Variants in PCGF3 observed in about 807,000 individuals in gnomAD.
PCGF3 encodes polycomb group ring finger 3, also known as polycomb group RING finger protein 3.
PCGF3 carries 7 observed loss-of-function variants against 33.1 expected under a neutral mutation model. The ratio of observed to expected loss-of-function variants is 0.21; its 90% CI spans 0.12 to 0.40. The LOEUF is 0.40. PCGF3 is among the 10% of genes least tolerant of loss of function. PCGF3 has a pLI of 1.00. For synonymous variants in PCGF3, 153 were observed against 121.3 expected (o/e 1.26, Z -1.72); for missense variants, 211 against 313.3 (o/e 0.67, Z 2.46).
Position 765,076 on chromosome 4 carries a change from G to A in PCGF3, c.681+12G>A, listed in dbSNP as rs767513468. On this transcript the variant is annotated intron_variant, in intron 10 of 10. Transcript: ENST00000362003. ...GGTGGAGATTCAAGGTGAGACACGT[G>A]ATTTGATTTTCAGAGTCTGCTCTGA... 4 of 1,591,966 alleles carry A rather than the reference G, an allele frequency of 2.5e-6. No individual in the cohort carries two copies. In the South Asian group the frequency reaches 4.4e-5, roughly 18 times the overall value.
intron 6 of PCGF3, 139 bp from the exon 7 acceptor site, chr4:743,335 T>G (rs1414835745): frequency 4.9e-6 from 3 of 616,600 alleles, no homozygotes; most frequent in Non-Finnish European, 8.8e-6. Context: ...CATCTCAGTC[T>G]TAATTTGCTG....
In PCGF3 at chr4:744,595, A is replaced by G; in HGVS notation, c.374-5A>G. ...TGGTGCGCTATGTTCTGTTTGTGCT[A>G]AAAGGTGAAACCAAAGCAGACGACA... is the stretch of plus-strand genomic sequence containing the variant. On this transcript the variant is annotated splice_polypyrimidine_tract_variant and splice_region_variant and intron_variant, in intron 7 of 10. Coordinates refer to ENST00000362003, the Ensembl canonical transcript of PCGF3. The G allele has an allele frequency of 6.4e-7, 1 of 1,551,366 alleles. No homozygotes were observed.
chr4:762,070 T>G, intron 9 of PCGF3: 1 of 985,270 alleles, frequency 1.0e-6, no homozygotes, highest in African/African-American at 1.7e-5. Context: ...GGTGGAGAAG[T>G]GGACAGACTT....
intron 1 of PCGF3, among the ~76,000 whole-genome samples, chr4:727,233 CTTTTTTTTTTTTTT>C (rs57690550): frequency 1.6e-5 from 1 of 61,892 alleles, no homozygotes; most frequent in Non-Finnish European, 2.9e-5. Context: ...TAGCGAGCGT[CTTTTTTTTTTTTTT>C]TTTTTTTTTT....
intron 8 of PCGF3, among the ~76,000 whole-genome samples, chr4:754,357 A>G (rs1250563329): frequency 6.6e-6 from 1 of 152,026 alleles, no homozygotes; most frequent in East Asian, 1.9e-4. Flanking sequence ...GGGACTTCAC[A>G]CCCGAGAGCC....
Position 765,257 on chromosome 4 carries a change from C to T in PCGF3, c.681+193C>T, listed in dbSNP as rs577753641. On this transcript the variant is annotated intron_variant, in intron 10 of 10. Coordinates refer to ENST00000362003, the Ensembl canonical transcript of PCGF3. ...GACAATCCTGGCTAACATGGTGAAACCCAATCTCTACTAAAAATACAAAAA... is the reference window on the plus strand; with the variant it reads ...GACAATCCTGGCTAACATGGTGAAATCCAATCTCTACTAAAAATACAAAAA... 2.6e-4 allele frequency among the ~76,000 whole-genome samples: 39 copies of T among 152,228 alleles called. No individual in the cohort carries two copies. In the East Asian group the frequency reaches 2.9e-3, roughly 11 times the overall value.
chr4:735,067 G>C, intron 5 of PCGF3, 40 bp downstream of exon 5: 1 of 1,591,444 alleles, frequency 6.3e-7, no homozygotes, highest in African/African-American at 1.3e-5. Context: ...CGTGGGGTGA[G>C]TGCCCCTGGG....
chr4:761,042 AAC>A (rs1053805597), intron 8 of PCGF3, among the ~76,000 whole-genome samples: 3 of 152,256 alleles, frequency 2.0e-5, no homozygotes, highest in Non-Finnish European at 2.9e-5. Context: ...TTATGTTAAT[AAC>A]ACAGAATTAA....
intron 1 of PCGF3, among the ~76,000 whole-genome samples, chr4:709,079 T>C (rs1742454027): frequency 1.3e-5 from 2 of 152,320 alleles, no homozygotes; most frequent in South Asian, 4.1e-4. Context: ...GTCCTTTGAC[T>C]AGGGAAGGGT....
At chr4:750,353 G>A (rs772439317) in intron 8 of PCGF3, among the ~76,000 whole-genome samples, 10 of 152,138 alleles carry the variant, frequency 6.6e-5, no homozygotes, top group African/African-American at 9.7e-5. Context: ...TCTCTGCCTT[G>A]GGGGATTGAG....
At chr4:736,824 G>A (rs56095756) in intron 5 of PCGF3, among the ~76,000 whole-genome samples, 9 of 106,038 alleles carry the variant, frequency 8.5e-5, no homozygotes, top group Admixed American at 3.0e-4. Context: ...GGACAGTGTC[G>A]CGGGGAACCT....
intron 1 of PCGF3, among the ~76,000 whole-genome samples, chr4:707,221 G>T (rs1028830300): frequency 1.3e-5 from 2 of 151,998 alleles, no homozygotes; most frequent in East Asian, 3.9e-4. Flanking sequence ...CAGGGCCCGG[G>T]GGGGCTAGGA....
exon 11 of PCGF3, chr4:766,477 T>TG (rs80202333): frequency 0.053 from 8,565 of 161,786 alleles, 322 homozygotes; most frequent in East Asian, 0.12. Context: ...CAAGTGTAGT[T>TG]GGACTTTTAT....
intron 8 of PCGF3, among the ~76,000 whole-genome samples, chr4:747,844 G>A (rs1744330499): frequency 6.6e-6 from 1 of 152,034 alleles, no homozygotes; most frequent in South Asian, 2.1e-4. Context: ...CAGCACCCAA[G>A]GGCTGCTGTT....
At chr4:734,060 G>A (rs776279692) in intron 4 of PCGF3, 2 of 1,550,666 alleles carry the variant, frequency 1.3e-6, no homozygotes, top group South Asian at 1.2e-5. Flanking sequence ...AGCAAGGCCA[G>A]TAGCCGCTGT....
Position 725,835 on chromosome 4 carries a change from A to G in PCGF3, c.-189-4795A>G, listed in dbSNP as rs549564381. Among the ~76,000 whole-genome samples, 59 of 152,222 alleles carry G rather than the reference A, an allele frequency of 3.9e-4. No homozygotes were observed. In the East Asian group the frequency reaches 0.011, roughly 29 times the overall value. ...CTCAGCGCTCGTCCCCGGGTCCCCC[A>G]GCAGGTGACCACAGATGATGACGGA... On this transcript the variant is annotated intron_variant, in intron 1 of 10. Transcript: ENST00000362003.
chr4:728,567 G>A (rs1331349962), intron 1 of PCGF3, among the ~76,000 whole-genome samples: 2 of 152,188 alleles, frequency 1.3e-5, no homozygotes, highest in Non-Finnish European at 2.9e-5. Flanking sequence ...TGGTATCAGC[G>A]GCGTCCTGGA....
intron 9 of PCGF3, among the ~76,000 whole-genome samples, chr4:763,812 C>T (rs898321605): frequency 1.3e-5 from 2 of 152,220 alleles, no homozygotes; most frequent in African/African-American, 2.4e-5. Flanking sequence ...CCAAGATGCC[C>T]TTCAGTAGAT....
At chr4:728,197 C>A (rs765922852) in intron 1 of PCGF3, among the ~76,000 whole-genome samples, 23 of 152,214 alleles carry the variant, frequency 1.5e-4, no homozygotes, top group Non-Finnish European at 2.9e-4. Context: ...TCCATGGGTC[C>A]AGTCAACACA....
Sources: gnomAD v4.1 joint callset for allele counts (sites outside exome capture counted in the v4.1 genomes callset) on GRCh38, gnomAD v4.1.1 for gene constraint, MANE v1.5 for transcripts, NCBI Gene and HGNC (gene_info 2026-07-23, HGNC 2026-07-21) for gene names.